The following PCDH7 variants were observed in gnomAD, a reference collection of about 807,000 sequenced individuals.
PCDH7 encodes protocadherin 7.
PCDH7 carries 17 observed loss-of-function variants against 58.9 expected under a neutral mutation model. That is an observed-to-expected ratio of 0.29 (90% confidence interval 0.20 to 0.43). The LOEUF (loss-of-function observed/expected upper bound fraction) is 0.43. Ranked by LOEUF, PCDH7 falls within the 20% of genes least tolerant of loss-of-function variation. The pLI is 1.00. For missense variants in PCDH7, 1,274 were observed against 1,441.0 expected, an observed-to-expected ratio of 0.88 and a Z score of 1.88; for synonymous variants, 664 against 616.4, an observed-to-expected ratio of 1.08 and a Z score of -1.14.
At chr4:30,864,164 A>G (rs1307217460) in intron 1 of PCDH7, among the ~76,000 whole-genome samples, 1 of 151,854 alleles carries the variant, frequency 6.6e-6, no homozygotes, top group Non-Finnish European at 1.5e-5. Flanking sequence ...TCATTCATTT[A>G]TATGTTTATT....
At position 30,723,602 on chromosome 4, in the gene PCDH7, C is replaced by T; in HGVS notation, c.2180C>T (p.Thr727Ile). 6.2e-7 allele frequency: 1 copy of T among 1,614,188 alleles called. No homozygotes were observed. The highest frequency in any genetic ancestry group is 8.5e-7 in the Non-Finnish European group (1 of 1,180,028). ...GATCCTCCCAGATCTGCCACAGCTA[C>T]AGTCTCGCTTTTTGTGATGGATGAA... The change falls in exon 1 of 2, where the codon ACA (threonine) becomes ATA (isoleucine). Residue 727 changes from threonine (T) to isoleucine (I), a missense_variant. Physicochemically the swap from Thr to Ile is moderately conservative, Grantham distance 89. Transcript: ENST00000361762. The surrounding 1 kb of genome is among the most constrained non-coding windows in gnomAD (Gnocchi z 4.6).
At chr4:30,806,109 T>A (rs1208983935) in intron 1 of PCDH7, among the ~76,000 whole-genome samples, 1 of 152,206 alleles carries the variant, frequency 6.6e-6, no homozygotes, top group Non-Finnish European at 1.5e-5. Flanking sequence ...GGATTTGGGA[T>A]GCTCAACCTG....
chr4:30,825,200 A>C (rs1471910946), intron 1 of PCDH7, among the ~76,000 whole-genome samples: 1 of 152,100 alleles, frequency 6.6e-6, no homozygotes, highest in African/African-American at 2.4e-5. Context: ...GTGCTTTGAC[A>C]TTGTTGAGTC....
intron 1 of PCDH7, among the ~76,000 whole-genome samples, chr4:30,785,714 A>G (rs905412446): frequency 6.6e-6 from 1 of 152,044 alleles, no homozygotes; most frequent in African/African-American, 2.4e-5. Context: ...GAAATAAGTC[A>G]TTAATTTCTT....
At chr4:31,097,626 AT>A (rs1560221849) in intron 3 of PCDH7, among the ~76,000 whole-genome samples, 3 of 42,722 alleles carry the variant, frequency 7.0e-5, no homozygotes, top group African/African-American at 1.6e-4. Flanking sequence ...ATATATATAT[AT>A]ATATATATAT....
At chr4:31,023,016 G>C (rs897633488) in intron 3 of PCDH7, among the ~76,000 whole-genome samples, 1 of 152,166 alleles carries the variant, frequency 6.6e-6, no homozygotes, top group South Asian at 2.1e-4. Flanking sequence ...TCAGAACAAG[G>C]GGATTGCGTT....
At position 31,103,860 on chromosome 4, in the gene PCDH7, C is replaced by T. The variant is rs1298405000; in HGVS notation, c.*8-38613C>T. Among the ~76,000 whole-genome samples the T allele has an allele frequency of 2.0e-5, 3 of 152,116 alleles. No individual in the cohort carries two copies. The East Asian group carries it at 5.8e-4, about 29-fold the overall frequency. ...GATTTCTAAGCATAGCACTGAACAC[C>T]ACCAACTGCTTTCTTTTCTTTTCAA... On this transcript the variant is annotated intron_variant, in intron 3 of 3. Coordinates refer to the PCDH7 transcript ENST00000509759.
chr4:31,077,005 C>T (rs1759050808), intron 3 of PCDH7, among the ~76,000 whole-genome samples: 1 of 150,238 alleles, frequency 6.7e-6, no homozygotes, highest in Non-Finnish European at 1.5e-5. Flanking sequence ...ATGAGATCTT[C>T]AATACAAAAA....
At chr4:30,821,999 G>A (rs1560405066) in intron 1 of PCDH7, among the ~76,000 whole-genome samples, 1 of 152,122 alleles carries the variant, frequency 6.6e-6, no homozygotes, top group Non-Finnish European at 1.5e-5. Flanking sequence ...GATAAATTGA[G>A]TTAAGCCCTG....
intron 1 of PCDH7, among the ~76,000 whole-genome samples, chr4:30,772,417 C>T (rs571467924): frequency 3.3e-5 from 5 of 152,256 alleles, no homozygotes; most frequent in African/African-American, 9.6e-5. Context: ...CTATCTCTTT[C>T]TTTGTTATCT....
chr4:30,778,508 G>A (rs1396603720), intron 1 of PCDH7, among the ~76,000 whole-genome samples: 2 of 151,930 alleles, frequency 1.3e-5, no homozygotes, highest in Non-Finnish European at 2.9e-5. Flanking sequence ...AAGTAACTTT[G>A]ATTATATTTT....
chr4:31,128,115 A>G (rs1718533226), intron 3 of PCDH7, among the ~76,000 whole-genome samples: 1 of 151,452 alleles, frequency 6.6e-6, no homozygotes, highest in Admixed American at 6.6e-5. Context: ...GTATATATAT[A>G]CACATATATA....
intron 1 of PCDH7, among the ~76,000 whole-genome samples, chr4:30,741,474 G>A (rs1183621453): frequency 2.0e-5 from 3 of 152,110 alleles, no homozygotes; most frequent in Non-Finnish European, 2.9e-5. Flanking sequence ...TGTTACAGGC[G>A]TGAGCCACTT....
At chr4:30,775,327 C>T (rs1385021347) in intron 1 of PCDH7, among the ~76,000 whole-genome samples, 1 of 152,020 alleles carries the variant, frequency 6.6e-6, no homozygotes, top group African/African-American at 2.4e-5. Flanking sequence ...TGTAATCATG[C>T]ATAGAGGGGA....
chr4:30,799,580 G>A (rs1221617639), intron 1 of PCDH7, among the ~76,000 whole-genome samples: 2 of 151,994 alleles, frequency 1.3e-5, no homozygotes, highest in Admixed American at 6.6e-5. Flanking sequence ...TTTCTTACAA[G>A]TAATTGTATA....
At chr4:30,889,589 G>A (rs1738334883) in intron 1 of PCDH7, among the ~76,000 whole-genome samples, 1 of 152,050 alleles carries the variant, frequency 6.6e-6, no homozygotes, top group Admixed American at 6.6e-5. Context: ...ATAAACTGGT[G>A]GTTTATAAAC....
intron 3 of PCDH7, among the ~76,000 whole-genome samples, chr4:31,110,716 C>A (rs1298042812): frequency 6.6e-6 from 1 of 151,978 alleles, no homozygotes; most frequent in Non-Finnish European, 1.5e-5. Flanking sequence ...GAAATCGAGA[C>A]CATCCTGGCT....
At chr4:30,911,330 C>G (rs906582129) in intron 1 of PCDH7, among the ~76,000 whole-genome samples, 11 of 143,752 alleles carry the variant, frequency 7.7e-5, no homozygotes, top group Middle Eastern at 3.4e-3. Flanking sequence ...ACCCCCCCCC[C>G]CAAAAAAAAG....
intron 1 of PCDH7, among the ~76,000 whole-genome samples, chr4:30,794,266 A>G (rs898445750): frequency 2.0e-5 from 3 of 152,236 alleles, no homozygotes; most frequent in African/African-American, 7.2e-5. Flanking sequence ...GCTGCTTACT[A>G]TTCAAAACAT....
Sources: gnomAD v4.1 joint callset for allele counts (sites outside exome capture counted in the v4.1 genomes callset) on GRCh38, gnomAD v4.1.1 for gene constraint, Gnocchi (gnomAD v3.1) non-coding constraint, MANE v1.5 for transcripts, NCBI Gene and HGNC (gene_info 2026-07-23, HGNC 2026-07-21) for gene names.